PRIM2: variants seen among roughly 807,000 people sequenced by gnomAD.
The protein encoded by PRIM2 is DNA primase subunit 2, also known as DNA primase large subunit.
A neutral mutation model predicts 67.3 loss-of-function variants in PRIM2; 39 were observed. That is an observed-to-expected ratio of 0.58 (90% confidence interval 0.45 to 0.76). PRIM2 has a LOEUF of 0.76. Ranked by LOEUF, PRIM2 falls within the 30% of genes least tolerant of loss-of-function variation. PRIM2 has a pLI of 0.00. For synonymous variants in PRIM2, 143 were observed against 198.7 expected (o/e 0.72, Z 2.36); for missense variants, 398 against 598.7 (o/e 0.66, Z 3.50).
chr6:57,510,003 C>A (rs1301563007), intron 8 of PRIM2, among the ~76,000 whole-genome samples: 6 of 151,836 alleles, frequency 4.0e-5, no homozygotes, highest in African/African-American at 1.4e-4. Flanking sequence ...TCAAACATTA[C>A]CTCTTCTGAT....
At chr6:57,234,146 T>C in the PRIM2 span, among the ~76,000 whole-genome samples, 15 of 152,310 alleles carry the variant, frequency 9.8e-5, no homozygotes, top group African/African-American at 3.4e-4. Flanking sequence ...TAGGCAGGAA[T>C]GGAGGTAAGG....
At chr6:57,302,373 A>G in the PRIM2 span, among the ~76,000 whole-genome samples, 17 of 152,270 alleles carry the variant, frequency 1.1e-4, no homozygotes, top group South Asian at 3.5e-3. Flanking sequence ...GGCATTTTTG[A>G]CTTTTCAGTG....
chr6:57,362,694 A>G lies in PRIM2; in HGVS notation c.460-17207A>G, dbSNP rs548113806. 1.4e-4 allele frequency among the ~76,000 whole-genome samples: 21 copies of G among 152,012 alleles called. No homozygotes were observed. The East Asian group carries it at 3.5e-3, about 25-fold the overall frequency. ...AAATTACTTCCTTTTTTTTTTTGGA[A>G]AACACTTGCCAGTTGGAGCCTCAAA... On this transcript the variant is annotated intron_variant, in intron 5 of 13. Coordinates refer to ENST00000615550, the MANE Select transcript of PRIM2 (RefSeq NM_000947.5).
At chr6:57,482,916 TTTG>T (rs1773664792) in intron 7 of PRIM2, among the ~76,000 whole-genome samples, 1 of 152,134 alleles carries the variant, frequency 6.6e-6, no homozygotes, top group Admixed American at 6.5e-5. Context: ...TAGATTTTTT[TTTG>T]TTGTTGTTAA....
At chr6:57,264,747 C>T in the PRIM2 span, among the ~76,000 whole-genome samples, 4 of 151,992 alleles carry the variant, frequency 2.6e-5, no homozygotes, top group South Asian at 2.1e-4. Flanking sequence ...CAGGTGCGCC[C>T]CACCAAGCCC....
chr6:57,424,391 A>T (rs1343400467), intron 7 of PRIM2, among the ~76,000 whole-genome samples: 1 of 152,204 alleles, frequency 6.6e-6, no homozygotes, highest in Non-Finnish European at 1.5e-5. Flanking sequence ...AGCCTGGGCA[A>T]AGAAAAGCAA....
At chr6:57,324,859 G>A (rs1215665878) in intron 4 of PRIM2, among the ~76,000 whole-genome samples, 1 of 152,038 alleles carries the variant, frequency 6.6e-6, no homozygotes, top group African/African-American at 2.4e-5. Flanking sequence ...TGAGACTCTG[G>A]AATTGCTTAC....
At chr6:57,495,436 G>A (rs1554346288) in intron 7 of PRIM2, among the ~76,000 whole-genome samples, 30 of 152,154 alleles carry the variant, frequency 2.0e-4, no homozygotes, top group East Asian at 7.7e-4. Flanking sequence ...AGTCACAGAG[G>A]CAAGGAAAAG....
chr6:57,357,785 G>A (rs1008391478), intron 5 of PRIM2, among the ~76,000 whole-genome samples: 1 of 151,980 alleles, frequency 6.6e-6, no homozygotes, highest in African/African-American at 2.4e-5. Context: ...TAGTAGAGAT[G>A]GGGTTTCACC....
chr6:57,223,943 C>T, the PRIM2 span, among the ~76,000 whole-genome samples: 4 of 151,960 alleles, frequency 2.6e-5, no homozygotes, highest in Non-Finnish European at 4.4e-5. Flanking sequence ...ATAGAATTAT[C>T]GTATGATTAA....
chr6:57,574,535 A>G (rs1361630484), intron 10 of PRIM2, among the ~76,000 whole-genome samples: 3 of 152,216 alleles, frequency 2.0e-5, no homozygotes, highest in African/African-American at 7.2e-5. Flanking sequence ...AACTAGTTAT[A>G]TAATTTGCAA....
intron 12 of PRIM2, among the ~76,000 whole-genome samples, chr6:57,610,407 A>G (rs1221394429): frequency 6.6e-6 from 1 of 152,232 alleles, no homozygotes; most frequent in African/African-American, 2.4e-5. Context: ...GTTGGTGATC[A>G]GAAAAGAGAT....
intron 5 of PRIM2, among the ~76,000 whole-genome samples, chr6:57,335,290 C>G (rs1336509354): frequency 1.7e-5 from 2 of 115,692 alleles, no homozygotes; most frequent in Non-Finnish European, 3.8e-5. Flanking sequence ...GGGGGAGGGG[C>G]GCCCGCCATT....
At chr6:57,337,317 CAAT>C (rs1406322465) in intron 5 of PRIM2, among the ~76,000 whole-genome samples, 2 of 152,132 alleles carry the variant, frequency 1.3e-5, no homozygotes, top group Non-Finnish European at 2.9e-5. Context: ...AGAAAGTCAA[CAAT>C]GATACCCAGG....
the PRIM2 span, among the ~76,000 whole-genome samples, chr6:57,296,631 T>C: frequency 6.6e-6 from 1 of 151,380 alleles, no homozygotes; most frequent in Non-Finnish European, 1.5e-5. Context: ...AGGGTGGTGG[T>C]AGGGGAGCAG....
At chr6:57,227,962 C>A in the PRIM2 span, among the ~76,000 whole-genome samples, 1 of 152,162 alleles carries the variant, frequency 6.6e-6, no homozygotes, top group African/African-American at 2.4e-5. Context: ...TAAATATAAT[C>A]TTTTCAACAT....
the PRIM2 span, among the ~76,000 whole-genome samples, chr6:57,226,926 A>C: frequency 1.1e-4 from 17 of 152,310 alleles, no homozygotes; most frequent in South Asian, 3.3e-3. Context: ...AACCCCTCAC[A>C]GTGTGAGTCG....
rs1227220865 is a variant in PRIM2, at chr6:57,638,576, C to CAAAAAAAAA, written c.1299+6390_1299+6398dup. Among the ~76,000 whole-genome samples, 37 of 32,014 alleles carry CAAAAAAAAA rather than the reference C, an allele frequency of 1.2e-3. 1 individual carries two copies. Among genetic ancestry groups the CAAAAAAAAA allele is most frequent in the African/African-American group, 2.7e-3 (21 of 7,842 alleles). 21.0% of individuals were successfully genotyped at this position (32,014 alleles called of 152,430 possible). On this transcript the variant is annotated intron_variant, in intron 13 of 13. Transcript: ENST00000615550. The stretch of plus-strand genomic sequence containing the variant: ...GAATATTTACCAAGCAAACAGAAAG[C>CAAAAAAAAA]AAAAAAAAAAAAAAAAAAAAAAAGC...
At chr6:57,259,544 A>C in the PRIM2 span, among the ~76,000 whole-genome samples, 1 of 152,064 alleles carries the variant, frequency 6.6e-6, no homozygotes, top group Non-Finnish European at 1.5e-5. Context: ...ATGCCTGTTG[A>C]TTAGGTTGTA....
Sources: allele counts gnomAD v4.1 joint callset (sites outside exome capture counted in the v4.1 genomes callset), GRCh38; gene constraint gnomAD v4.1.1; transcripts MANE v1.5; gene names NCBI Gene and HGNC (gene_info 2026-07-23, HGNC 2026-07-21).